STAG2: variants seen among roughly 807,000 people sequenced by gnomAD.
STAG2 encodes STAG2 cohesin complex component.
A neutral mutation model predicts 108.1 loss-of-function variants in STAG2; 14 were observed. The ratio of observed to expected loss-of-function variants is 0.13; its 90% CI spans 0.09 to 0.20. STAG2 has a LOEUF of 0.20. Among genes scored for constraint, STAG2 ranks in the 10% least tolerant of loss-of-function variants. The probability of loss-of-function intolerance (pLI) is 1.00; values close to 1 mark genes in which losing one functional copy is unlikely to be tolerated. For missense variants in STAG2, 440 were observed against 940.9 expected (o/e 0.47, Z 6.96); for synonymous variants, 307 against 302.7 (o/e 1.01, Z -0.15).
intron 25 of STAG2, among the ~76,000 whole-genome samples, chrX:124,073,464 C>G (rs1461941628): frequency 9.0e-6 from 1 of 111,231 alleles, no homozygotes; most frequent in Non-Finnish European, 1.9e-5. Flanking sequence ...GTCACCCAGG[C>G]TGGAGTGAAG....
At position 124,047,650 on chromosome X, in the gene STAG2, T is replaced by G. The variant is rs148978074; in HGVS notation, c.819+145T>G. 692 of 518,330 alleles carry G rather than the reference T, an allele frequency of 1.3e-3. 1 individual carries two copies. Among genetic ancestry groups the G allele is most frequent in the Admixed American group, 2.2e-3 (52 of 23,415 alleles). The allele number at this position is 518,330 out of a possible 1,213,427, so 42.7% of individuals were successfully genotyped here. ...TTTCAAACTATTTGCCCAACAAAAT[T>G]CTGATGAATATCCGTGCCAACAATA... On this transcript the variant is annotated intron_variant, in intron 9 of 34. Transcript: ENST00000371145.
intron 1 of STAG2, among the ~76,000 whole-genome samples, chrX:123,991,944 C>T (rs1323239300): frequency 2.7e-5 from 3 of 113,110 alleles, no homozygotes; most frequent in Middle Eastern, 4.6e-3. Context: ...GGATTAGAGG[C>T]GTGAGCAACG....
chrX:124,039,061 T>C (rs1274803594), intron 6 of STAG2, among the ~76,000 whole-genome samples: 3 of 110,292 alleles, frequency 2.7e-5, no homozygotes, highest in Non-Finnish European at 5.7e-5. Context: ...AAATGGAAGG[T>C]TGAGTGCAGA....
intron 4 of STAG2, among the ~76,000 whole-genome samples, chrX:124,029,328 C>T (rs1486342499): frequency 8.9e-5 from 8 of 90,369 alleles, no homozygotes; most frequent in South Asian, 5.1e-4. Context: ...ATTTATTGCT[C>T]GAGACAGAGT....
chrX:124,061,946 A>AT, intron 17 of STAG2, 72 bp downstream of exon 17: 1 of 815,671 alleles, frequency 1.2e-6, no homozygotes, highest in Admixed American at 3.6e-5. Context: ...TAAAAATTCC[A>AT]TTTTAGCCAT....
chrX:124,032,586 C>G (rs1225746393), intron 5 of STAG2, among the ~76,000 whole-genome samples: 1 of 110,340 alleles, frequency 9.1e-6, no homozygotes, highest in East Asian at 2.8e-4. Context: ...TTTTCAGTCC[C>G]CACCCCCTAC....
At chrX:123,960,707 G>C (rs1274464272), upstream of STAG2, 1 of 106,193 alleles carries the variant, frequency 9.4e-6, no homozygotes. Context: ...AGAACCGCGG[G>C]AGCTTCCGTC....
intron 34 of STAG2, chrX:124,097,655 T>C (rs1157458322): frequency 3.0e-6 from 1 of 331,223 alleles, no homozygotes; most frequent in African/African-American, 2.6e-5. Flanking sequence ...CTAGGTATGA[T>C]TTATTTTGAT....
intron 1 of STAG2, among the ~76,000 whole-genome samples, chrX:123,986,631 C>T (rs1430100865): frequency 9.0e-6 from 1 of 111,435 alleles, no homozygotes; most frequent in Non-Finnish European, 1.9e-5. Flanking sequence ...TGAACTAAAA[C>T]ATAGTGTATT....
chrX:124,048,367 T>A (rs1434415154), intron 9 of STAG2, among the ~76,000 whole-genome samples: 1 of 112,321 alleles, frequency 8.9e-6, no homozygotes, highest in Non-Finnish European at 1.9e-5. Context: ...GTTGATACTT[T>A]TTCCCTTTAA....
At chrX:123,983,229 C>T (rs1251907562) in intron 1 of STAG2, among the ~76,000 whole-genome samples, 4 of 106,879 alleles carry the variant, frequency 3.7e-5, no homozygotes, top group Non-Finnish European at 5.7e-5. Context: ...AAATTACTGG[C>T]ACTTTTTTTT....
At chrX:124,004,491 T>C (rs2056196676) in intron 1 of STAG2, among the ~76,000 whole-genome samples, 1 of 112,296 alleles carries the variant, frequency 8.9e-6, no homozygotes, top group South Asian at 3.6e-4. Context: ...CACTTAGCAC[T>C]GTTTTCTAGG....
intron 24 of STAG2, among the ~76,000 whole-genome samples, chrX:124,070,348 C>T (rs2058634530): frequency 8.9e-6 from 1 of 111,779 alleles, no homozygotes; most frequent in Non-Finnish European, 1.9e-5. Flanking sequence ...TGGCAAAACT[C>T]TTAATAAGAT....
At chrX:124,084,354 A>AT (rs1329501969) in intron 29 of STAG2, among the ~76,000 whole-genome samples, 1 of 107,605 alleles carries the variant, frequency 9.3e-6, no homozygotes, top group African/African-American at 3.4e-5. Context: ...TTTTTTTTGA[A>AT]ATGAAGTTAG....
At chrX:124,040,854 C>CTTTTT (rs1163780101) in intron 6 of STAG2, among the ~76,000 whole-genome samples, 40 of 76,638 alleles carry the variant, frequency 5.2e-4, no homozygotes, top group East Asian at 1.4e-3. Flanking sequence ...CCTCTTCTCT[C>CTTTTT]TTTTTTTTTT....
chrX:124,028,822 A>ATATATATATATATT (rs1296806013), intron 4 of STAG2, among the ~76,000 whole-genome samples: 4 of 38,970 alleles, frequency 1.0e-4, no homozygotes, highest in African/African-American at 4.4e-4. Context: ...ATATATATAT[A>ATATATATATATATT]TTTTTTTTTT....
intron 28 of STAG2, 51 bp from the exon 29 acceptor site, chrX:124,083,370 A>T: frequency 9.9e-7 from 1 of 1,009,821 alleles, no homozygotes; most frequent in Non-Finnish European, 1.3e-6. Flanking sequence ...TGACTTTTTT[A>T]TTATAGTCCC....
At chrX:123,967,426 G>A (rs747070163) in intron 1 of STAG2, among the ~76,000 whole-genome samples, 124 of 108,250 alleles carry the variant, frequency 1.1e-3, no homozygotes, top group African/African-American at 4.0e-3. Flanking sequence ...CCACCACACC[G>A]GGCTAATTTT....
chrX:124,036,441 G>A (rs978280835), intron 5 of STAG2, among the ~76,000 whole-genome samples: 1 of 111,971 alleles, frequency 8.9e-6, no homozygotes, highest in Non-Finnish European at 1.9e-5. Context: ...CGGGAGTGCA[G>A]TGGTGCGACC....
Sources: gnomAD v4.1 joint callset for allele counts (sites outside exome capture counted in the v4.1 genomes callset) on GRCh38, gnomAD v4.1.1 for gene constraint, MANE v1.5 for transcripts, NCBI Gene and HGNC (gene_info 2026-07-23, HGNC 2026-07-21) for gene names.